Variants in TENM2 observed in about 807,000 individuals in gnomAD.
TENM2 encodes the protein teneurin transmembrane protein 2, also known as teneurin-2.
Under a neutral mutation model 245.2 loss-of-function variants are expected in TENM2, and 52 were observed. The ratio of observed to expected loss-of-function variants is 0.21; its 90% CI spans 0.17 to 0.27. TENM2 has a LOEUF of 0.27. TENM2 is among the 10% of genes least tolerant of loss of function. The pLI is 1.00. For synonymous variants in TENM2, 1,363 were observed against 1,438.9 expected, an observed-to-expected ratio of 0.95 and a Z score of 1.19; for missense variants, 3,046 against 3,666.8, an observed-to-expected ratio of 0.83 and a Z score of 4.37.
rs2569042 is a variant in TENM2, at chr5:168,083,386, C to G, written c.1516-7188C>G. On this transcript the variant is annotated intron_variant, in intron 7 of 28. Coordinates refer to ENST00000518659, the Ensembl canonical transcript of TENM2. ...TTGGCTAGGAAAGGGAATTCCCTGA[C>G]CCCTTGCACTTCCCAGATGAGGTGA... Among the ~76,000 whole-genome samples the G allele has an allele frequency of 9.7e-3, 1,475 of 152,346 alleles. 31 individuals carry two copies. The highest frequency in any genetic ancestry group is 0.031 in the African/African-American group (1,281 of 41,584).
intron 2 of TENM2, among the ~76,000 whole-genome samples, chr5:167,829,298 C>G (rs1768259757): frequency 6.6e-6 from 1 of 152,216 alleles, no homozygotes; most frequent in African/African-American, 2.4e-5. Context: ...GAAACTGCCT[C>G]ATGTTCCTGG....
the TENM2 span, among the ~76,000 whole-genome samples, chr5:167,072,789 T>G: frequency 6.6e-6 from 1 of 152,202 alleles, no homozygotes; most frequent in African/African-American, 2.4e-5. Context: ...GTCAGCAAAA[T>G]CATGCTTAAG....
chr5:167,028,367 T>C, the TENM2 span, among the ~76,000 whole-genome samples: 1 of 152,110 alleles, frequency 6.6e-6, no homozygotes, highest in Non-Finnish European at 1.5e-5. Context: ...TTGGAATTAA[T>C]GAATCTAAGG....
At chr5:167,650,858 G>C (rs1754412563) in intron 2 of TENM2, among the ~76,000 whole-genome samples, 1 of 152,142 alleles carries the variant, frequency 6.6e-6, no homozygotes, top group Non-Finnish European at 1.5e-5. Context: ...ATAAACCAAT[G>C]CATGTAAACA....
chr5:167,471,093 C>T (rs771626716), intron 2 of TENM2, among the ~76,000 whole-genome samples: 13 of 152,292 alleles, frequency 8.5e-5, no homozygotes, highest in African/African-American at 1.9e-4. Flanking sequence ...TGCAAGACTG[C>T]GGCTTCTCTG....
intron 2 of TENM2, among the ~76,000 whole-genome samples, chr5:167,402,668 A>G (rs1259112993): frequency 6.6e-6 from 1 of 152,154 alleles, no homozygotes; most frequent in African/African-American, 2.4e-5. Context: ...AATGGACATC[A>G]TGATACACCA....
At chr5:167,681,648 A>T (rs541869556) in intron 2 of TENM2, among the ~76,000 whole-genome samples, 1 of 151,918 alleles carries the variant, frequency 6.6e-6, no homozygotes, top group African/African-American at 2.4e-5. Context: ...CCCATGTTCT[A>T]ATTATGTATA....
intron 1 of TENM2, among the ~76,000 whole-genome samples, chr5:167,326,120 A>G (rs542016674): frequency 6.6e-6 from 1 of 152,204 alleles, no homozygotes; most frequent in Admixed American, 6.5e-5. Context: ...GCTTGAAGAG[A>G]GAGTGTTCTC....
chr5:167,058,543 G>A, the TENM2 span, among the ~76,000 whole-genome samples: 1 of 152,190 alleles, frequency 6.6e-6, no homozygotes, highest in African/African-American at 2.4e-5. Flanking sequence ...AGAATCACTT[G>A]AAGCCAGGAA....
intron 5 of TENM2, among the ~76,000 whole-genome samples, chr5:168,012,390 C>T (rs1033109568): frequency 2.0e-5 from 3 of 152,096 alleles, no homozygotes; most frequent in African/African-American, 2.4e-5. Flanking sequence ...CACTTGTAAT[C>T]GCTGCGCTTT....
At chr5:167,917,249 C>T (rs540812307) in intron 3 of TENM2, among the ~76,000 whole-genome samples, 35 of 152,024 alleles carry the variant, frequency 2.3e-4, no homozygotes, top group African/African-American at 7.2e-4. Context: ...CAGAGTGATT[C>T]GCAAATCCCA....
intron 4 of TENM2, among the ~76,000 whole-genome samples, chr5:167,969,726 A>G (rs1320647563): frequency 2.0e-5 from 3 of 152,180 alleles, no homozygotes; most frequent in Admixed American, 1.3e-4. Context: ...ACTATATGCT[A>G]TATTCTCAAA....
At chr5:167,138,725 C>A in the TENM2 span, among the ~76,000 whole-genome samples, 1 of 152,126 alleles carries the variant, frequency 6.6e-6, no homozygotes, top group African/African-American at 2.4e-5. Context: ...TGGGTTCAAG[C>A]GATTCTCTTG....
At chr5:167,601,900 T>G (rs547650881) in intron 2 of TENM2, among the ~76,000 whole-genome samples, 2 of 152,040 alleles carry the variant, frequency 1.3e-5, no homozygotes, top group East Asian at 3.9e-4. Context: ...GTACATCTAT[T>G]GCTTAATAAT....
chr5:167,546,811 G>A (rs867906742), intron 2 of TENM2, among the ~76,000 whole-genome samples: 5 of 152,034 alleles, frequency 3.3e-5, no homozygotes, highest in South Asian at 2.1e-4. Context: ...CTAACCTCTC[G>A]GTCAACTTCA....
intron 7 of TENM2, among the ~76,000 whole-genome samples, chr5:168,070,822 AAAAAG>A (rs1431327678): frequency 3.8e-5 from 3 of 78,384 alleles, no homozygotes; most frequent in Non-Finnish European, 1.0e-4. Flanking sequence ...AGAGAGAGAA[AAAAAG>A]AAAGAAGAAA....
chr5:167,772,995 G>T (rs370471783), intron 2 of TENM2, among the ~76,000 whole-genome samples: 29 of 152,106 alleles, frequency 1.9e-4, no homozygotes, highest in Admixed American at 1.3e-3. Context: ...ATGCTATATT[G>T]TTTCAGACTC....
chr5:167,235,443 A>T, the TENM2 span, among the ~76,000 whole-genome samples: 2 of 152,186 alleles, frequency 1.3e-5, no homozygotes, highest in African/African-American at 4.8e-5. Flanking sequence ...AGTCCTTTAA[A>T]TGGAAACAAC....
chr5:168,047,741 G>A (rs1021788874), intron 6 of TENM2, among the ~76,000 whole-genome samples, 192 bp downstream of exon 8: 1 of 152,220 alleles, frequency 6.6e-6, no homozygotes, highest in African/African-American at 2.4e-5. Context: ...AGCTGTGTTT[G>A]GCTGGATCAC....
Sources: allele counts gnomAD v4.1 joint callset (sites outside exome capture counted in the v4.1 genomes callset), GRCh38; gene constraint gnomAD v4.1.1; transcripts MANE v1.5; gene names NCBI Gene and HGNC (gene_info 2026-07-23, HGNC 2026-07-21).